SUZ12: variants seen among roughly 807,000 people sequenced by gnomAD.
SUZ12 encodes the protein SUZ12 polycomb repressive complex 2 subunit.
Under a neutral mutation model 87.3 loss-of-function variants are expected in SUZ12, and 17 were observed. That is an observed-to-expected ratio of 0.19 (90% confidence interval 0.13 to 0.29). SUZ12 has a LOEUF of 0.29. Among genes scored for constraint, SUZ12 ranks in the 10% least tolerant of loss-of-function variants. The pLI is 1.00. For synonymous variants in SUZ12, 253 were observed against 312.4 expected (o/e 0.81, Z 2.01); for missense variants, 526 against 912.2 (o/e 0.58, Z 5.45).
intron 4 of SUZ12, among the ~76,000 whole-genome samples, chr17:31,964,413 GT>G (rs544646719): frequency 1.6e-4 from 23 of 142,040 alleles, no homozygotes; most frequent in Non-Finnish European, 1.5e-4. Flanking sequence ...AACTCTGTAG[GT>G]TTTTTTTTTT....
At chr17:31,942,426 C>T (rs369022040) in intron 3 of SUZ12, among the ~76,000 whole-genome samples, 2 of 152,034 alleles carry the variant, frequency 1.3e-5, no homozygotes, top group African/African-American at 2.4e-5. Context: ...ACCTCCACCT[C>T]GCGGGTTCAA....
chr17:31,969,774 C>T (rs1239813340), intron 5 of SUZ12, among the ~76,000 whole-genome samples: 2 of 152,202 alleles, frequency 1.3e-5, no homozygotes, highest in South Asian at 2.1e-4. Context: ...TGATGCTTGC[C>T]TGTATTTCCA....
At chr17:31,996,650 A>G (rs572646045) in intron 14 of SUZ12, 148 bp from the exon 15 acceptor site, 2 of 511,956 alleles carry the variant, frequency 3.9e-6, no homozygotes, top group Non-Finnish European at 6.8e-6. Context: ...TTAAATGACT[A>G]CTTAAATAGA....
At chr17:31,972,439 A>T (rs1024014505) in intron 5 of SUZ12, among the ~76,000 whole-genome samples, 1 of 150,030 alleles carries the variant, frequency 6.7e-6, no homozygotes, top group African/African-American at 2.5e-5. Flanking sequence ...TAGAGACAGG[A>T]TCTCACTCCT....
In SUZ12 at chr17:31,959,506, C is replaced by T. The variant is rs185214715; in HGVS notation, c.456-6641C>T. 9.2e-3 allele frequency among the ~76,000 whole-genome samples: 1,402 copies of T among 152,222 alleles called. 7 individuals carry two copies. Among genetic ancestry groups the T allele is most frequent in the Non-Finnish European group, 0.016 (1,071 of 68,016 alleles). The stretch of plus-strand genomic sequence containing the variant: ...CAGAATATTGGACTTGATGTAGACA[C>T]GAGTTTCTCAGCTTTACATATCATA... On this transcript the variant is annotated intron_variant, in intron 4 of 15. Transcript: ENST00000322652.
chr17:31,963,290 G>A (rs562375987), intron 4 of SUZ12, among the ~76,000 whole-genome samples: 68 of 152,076 alleles, frequency 4.5e-4, no homozygotes, highest in African/African-American at 1.5e-3. Context: ...GACTACAGGC[G>A]CATGCCACAA....
chr17:31,978,771 G>A (rs529382027), intron 8 of SUZ12, among the ~76,000 whole-genome samples: 2 of 152,084 alleles, frequency 1.3e-5, no homozygotes, highest in African/African-American at 4.8e-5. Context: ...TAAAGAAAAA[G>A]TGCCAAGAAG....
At position 31,975,662 on chromosome 17, in the gene SUZ12, G is replaced by A. The variant is rs748177043; in HGVS notation, c.772G>A (p.Gly258Arg). 3 of 1,613,696 alleles carry A rather than the reference G, an allele frequency of 1.9e-6. No homozygotes were observed. The highest frequency in any genetic ancestry group is 2.2e-5 in the East Asian group (1 of 44,836). Reference sequence around the variant, plus strand: ...GTTGCTATTTAGAGTGACTCGTCCAGGAAGAAGAGAGTTTAATGGAATGAT... The same window carrying A: ...GTTGCTATTTAGAGTGACTCGTCCAAGAAGAAGAGAGTTTAATGGAATGAT... ...YSLLFRVTRP[G>R]RREFNGMING... Residue 258 changes from glycine (G) to arginine (R), a missense_variant, in exon 7 of 16, where the codon GGA becomes AGA. Transcript: ENST00000322652.
chr17:31,977,486 G>C (rs1908827913), intron 8 of SUZ12, among the ~76,000 whole-genome samples: 1 of 152,078 alleles, frequency 6.6e-6, no homozygotes, highest in Non-Finnish European at 1.5e-5. Context: ...CACCGTGTTA[G>C]CCAGAATGGT....
intron 4 of SUZ12, among the ~76,000 whole-genome samples, chr17:31,959,745 C>T (rs911885351): frequency 8.5e-5 from 13 of 152,284 alleles, no homozygotes; most frequent in African/African-American, 3.1e-4. Flanking sequence ...TCTGGCTGTT[C>T]TTAAAATGGG....
intron 8 of SUZ12, among the ~76,000 whole-genome samples, chr17:31,980,408 A>G (rs1218105146): frequency 7.5e-6 from 1 of 133,066 alleles, no homozygotes; most frequent in Non-Finnish European, 1.6e-5. Flanking sequence ...GAATAGTAAG[A>G]TATACCAGAA....
chr17:31,939,559 T>C (rs1906144490), intron 1 of SUZ12, among the ~76,000 whole-genome samples: 1 of 152,036 alleles, frequency 6.6e-6, no homozygotes, highest in Non-Finnish European at 1.5e-5. Context: ...TTTCGCTCTT[T>C]ATTGCCCAGG....
intron 4 of SUZ12, among the ~76,000 whole-genome samples, chr17:31,963,611 C>T (rs1458195203): frequency 2.1e-4 from 32 of 152,010 alleles, no homozygotes; most frequent in African/African-American, 7.7e-4. Context: ...ATTCCTCTGA[C>T]CTTTGAGTTC....
At chr17:31,940,258 T>C in intron 1 of SUZ12, 28 bp from the exon 2 acceptor site, 1 of 1,599,000 alleles carries the variant, frequency 6.3e-7, no homozygotes, top group Non-Finnish European at 8.5e-7. Flanking sequence ...GTTTAGATCA[T>C]GTTTGGATTT....
Position 31,994,016 on chromosome 17 carries a change from A to AT in SUZ12, c.1437+13dup, listed in dbSNP as rs1909850838. ...TTTATCTTCAACTATGTTGTGAGTA[A>AT]TTTTTCATATTTTCTCAATTTGTGT... On this transcript the variant is annotated intron_variant, in intron 12 of 15. Coordinates refer to ENST00000322652, the MANE Select transcript of SUZ12 (RefSeq NM_015355.4). 1 of 1,608,134 alleles carries AT rather than the reference A, an allele frequency of 6.2e-7. No homozygotes were observed. Among genetic ancestry groups the AT allele is most frequent in the African/African-American group, 1.3e-5 (1 of 74,538 alleles).
chr17:31,956,001 T>C (rs1907308563), intron 4 of SUZ12, among the ~76,000 whole-genome samples: 1 of 151,866 alleles, frequency 6.6e-6, no homozygotes, highest in Admixed American at 6.6e-5. Flanking sequence ...AAGCTCTGCC[T>C]TCCCGGGTTC....
chr17:31,989,356 T>C (rs779808352), intron 10 of SUZ12, among the ~76,000 whole-genome samples: 3 of 152,120 alleles, frequency 2.0e-5, no homozygotes, highest in Non-Finnish European at 4.4e-5. Context: ...TCCAGAACCT[T>C]TGTGCCAAGT....
At chr17:31,970,856 T>A (rs28394616) in intron 5 of SUZ12, among the ~76,000 whole-genome samples, 12 of 151,996 alleles carry the variant, frequency 7.9e-5, no homozygotes, top group African/African-American at 2.4e-4. Context: ...GAACAAAAAA[T>A]TTTTTTTGTG....
intron 5 of SUZ12, chr17:31,966,691 G>C (rs988325178): frequency 6.5e-6 from 1 of 152,678 alleles, no homozygotes; most frequent in Non-Finnish European, 1.5e-5. Context: ...AATCTCCTCA[G>C]TAGAACCTTT....
Sources: allele counts gnomAD v4.1 joint callset (sites outside exome capture counted in the v4.1 genomes callset), GRCh38; gene constraint gnomAD v4.1.1; transcripts MANE v1.5; gene names NCBI Gene and HGNC (gene_info 2026-07-23, HGNC 2026-07-21).